Variants in PDE4D observed in about 807,000 individuals in gnomAD.
PDE4D encodes the protein phosphodiesterase 4D, also known as 3',5'-cyclic-AMP phosphodiesterase 4D.
Under a neutral mutation model 87.4 loss-of-function variants are expected in PDE4D, and 24 were observed. The ratio of observed to expected loss-of-function variants is 0.27; its 90% CI spans 0.20 to 0.39. The LOEUF is 0.39. Among genes scored for constraint, PDE4D ranks in the 10% least tolerant of loss-of-function variants. The probability of loss-of-function intolerance (pLI) is 1.00; values close to 1 mark genes in which losing one functional copy is unlikely to be tolerated. For synonymous variants in PDE4D, 384 were observed against 383.2 expected, an observed-to-expected ratio of 1.00 and a Z score of -0.02; for missense variants, 714 against 1,041.0, an observed-to-expected ratio of 0.69 and a Z score of 4.32.
intron 2 of PDE4D, among the ~76,000 whole-genome samples, chr5:60,095,251 C>T (rs1775558084): frequency 1.3e-5 from 2 of 152,104 alleles, no homozygotes; most frequent in Admixed American, 1.3e-4. Context: ...CTCCCCATGT[C>T]CCTGTGTTCT....
intron 2 of PDE4D, among the ~76,000 whole-genome samples, chr5:60,133,658 C>T (rs929577718): frequency 1.3e-5 from 2 of 152,184 alleles, no homozygotes; most frequent in African/African-American, 4.8e-5. Context: ...ACAACATCCT[C>T]AATATTTTTC....
intron 1 of PDE4D, among the ~76,000 whole-genome samples, chr5:59,304,611 G>A (rs1405986985): frequency 1.3e-5 from 2 of 152,124 alleles, no homozygotes; most frequent in African/African-American, 4.8e-5. Flanking sequence ...ATAAAGGGAT[G>A]CTGGATTTTG....
At chr5:60,237,420 C>T (rs897164199) in intron 1 of PDE4D, among the ~76,000 whole-genome samples, 8 of 151,802 alleles carry the variant, frequency 5.3e-5, no homozygotes, top group Admixed American at 5.3e-4. Flanking sequence ...GAATACTACT[C>T]AGCAATAAAA....
intron 1 of PDE4D, among the ~76,000 whole-genome samples, chr5:60,353,947 G>A (rs757648561): frequency 2.0e-5 from 3 of 151,998 alleles, no homozygotes; most frequent in Non-Finnish European, 4.4e-5. Context: ...TATTTAAGCA[G>A]CTACTGCATG....
intron 1 of PDE4D, among the ~76,000 whole-genome samples, chr5:59,250,732 A>C (rs1421371454): frequency 6.6e-6 from 1 of 152,144 alleles, no homozygotes; most frequent in Non-Finnish European, 1.5e-5. Flanking sequence ...AGGCAATTCT[A>C]ATAAAAAATA....
intron 1 of PDE4D, among the ~76,000 whole-genome samples, chr5:59,244,402 TAATA>T (rs1272920175): frequency 1.4e-4 from 21 of 150,836 alleles, no homozygotes; most frequent in African/African-American, 4.6e-4. Context: ...TCTCAAAAAA[TAATA>T]AATAAAAATT....
At chr5:59,155,808 C>T (rs987277960) in intron 5 of PDE4D, among the ~76,000 whole-genome samples, 3 of 151,862 alleles carry the variant, frequency 2.0e-5, no homozygotes, top group Non-Finnish European at 4.4e-5. Flanking sequence ...TCCGCTGAGA[C>T]CAGAAGGGAG....
chr5:59,803,041 G>A (rs544234005), intron 1 of PDE4D, among the ~76,000 whole-genome samples: 3 of 152,200 alleles, frequency 2.0e-5, no homozygotes, highest in Non-Finnish European at 2.9e-5. Flanking sequence ...TGGTAAATAC[G>A]ACAACAAGAG....
intron 1 of PDE4D, among the ~76,000 whole-genome samples, chr5:59,710,298 G>T (rs1754027683): frequency 6.6e-6 from 1 of 152,080 alleles, no homozygotes; most frequent in African/African-American, 2.4e-5. Context: ...AGCATGAGAG[G>T]CAGGAAAGCA....
intron 1 of PDE4D, among the ~76,000 whole-genome samples, chr5:59,509,768 C>T (rs926363860): frequency 2.0e-5 from 3 of 149,318 alleles, no homozygotes; most frequent in Admixed American, 6.7e-5. Flanking sequence ...GAAAAGAAAA[C>T]AAACATTAGA....
intron 6 of PDE4D, among the ~76,000 whole-genome samples, chr5:59,019,932 C>T (rs564220397): frequency 4.6e-5 from 7 of 151,924 alleles, no homozygotes; most frequent in Admixed American, 6.6e-5. Context: ...AATACAGATA[C>T]ATAAAAATCT....
chr5:59,632,199 C>A (rs1296157007), intron 1 of PDE4D, among the ~76,000 whole-genome samples: 6 of 152,220 alleles, frequency 3.9e-5, no homozygotes, highest in Non-Finnish European at 7.3e-5. Context: ...CTAGATTCTT[C>A]CTGTCTGAGC....
intron 1 of PDE4D, among the ~76,000 whole-genome samples, chr5:59,589,759 A>C (rs1166033688): frequency 2.0e-5 from 3 of 152,170 alleles, no homozygotes; most frequent in African/African-American, 7.2e-5. Context: ...TTTGCGGGCA[A>C]TGATATAAGC....
intron 1 of PDE4D, among the ~76,000 whole-genome samples, chr5:60,506,694 C>T (rs1750339412): frequency 6.6e-6 from 1 of 151,894 alleles, no homozygotes; most frequent in African/African-American, 2.4e-5. Flanking sequence ...TGAAATGATA[C>T]TGTGGGAAGA....
intron 8 of PDE4D, among the ~76,000 whole-genome samples, chr5:58,991,139 A>G (rs1245045293): frequency 2.0e-5 from 3 of 151,984 alleles, no homozygotes; most frequent in Admixed American, 2.0e-4. Context: ...AAAATTAGTC[A>G]GGTGTGGTGG....
intron 1 of PDE4D, among the ~76,000 whole-genome samples, chr5:59,705,768 C>T: frequency 6.6e-6 from 1 of 152,060 alleles, no homozygotes; most frequent in South Asian, 2.1e-4. Context: ...TTATTCTTCC[C>T]AATAGTTTGA....
intron 1 of PDE4D, among the ~76,000 whole-genome samples, chr5:59,855,679 A>C (rs1418973195): frequency 6.6e-6 from 1 of 152,158 alleles, no homozygotes; most frequent in Non-Finnish European, 1.5e-5. Context: ...TCATAATTTT[A>C]TATCCTCAAT....
At chr5:59,047,871 G>A (rs540950366) in intron 5 of PDE4D, among the ~76,000 whole-genome samples, 1 of 152,288 alleles carries the variant, frequency 6.6e-6, no homozygotes, top group East Asian at 1.9e-4. Context: ...TCTACCATGT[G>A]GATACATGCT....
chr5:59,781,410 C>T (rs1328610673), intron 1 of PDE4D, among the ~76,000 whole-genome samples: 1 of 152,032 alleles, frequency 6.6e-6, no homozygotes, highest in East Asian at 1.9e-4. Context: ...GTGCTACTTA[C>T]AATTTAATGG....
Sources: allele counts gnomAD v4.1 joint callset (sites outside exome capture counted in the v4.1 genomes callset), GRCh38; gene constraint gnomAD v4.1.1; transcripts MANE v1.5; gene names NCBI Gene and HGNC (gene_info 2026-07-23, HGNC 2026-07-21).